P2RX3: variants seen among roughly 807,000 people sequenced by gnomAD.
The protein encoded by P2RX3 is purinergic receptor P2X 3.
A neutral mutation model predicts 51.5 loss-of-function variants in P2RX3; 41 were observed. The observed-to-expected ratio is 0.80, with a 90% CI of 0.62 to 1.03. P2RX3 has a LOEUF of 1.03. Among genes scored for constraint, P2RX3 ranks in the 50% least tolerant of loss-of-function variants. P2RX3 has a pLI of 0.00. For missense variants in P2RX3, 459 were observed against 522.1 expected, an observed-to-expected ratio of 0.88 and a Z score of 1.18; for synonymous variants, 185 against 191.6, an observed-to-expected ratio of 0.97 and a Z score of 0.29.
At chr11:57,367,931 G>A in intron 8 of P2RX3, 78 bp from the exon 9 acceptor site, 1 of 1,138,254 alleles carries the variant, frequency 8.8e-7, no homozygotes, top group South Asian at 1.3e-5. Flanking sequence ...CAAGACACAG[G>A]GCTCTGGAGG....
chr11:57,368,290 C>A, intron 9 of P2RX3, 82 bp from the exon 10 acceptor site: 1 of 1,497,360 alleles, frequency 6.7e-7, no homozygotes, highest in Non-Finnish European at 9.3e-7. Context: ...ACCAAGAACC[C>A]TTCTGGCGCC....
At chr11:57,348,058 C>T (rs1318273548) in intron 4 of P2RX3, 112 bp from the exon 5 acceptor site, 1 of 961,428 alleles carries the variant, frequency 1.0e-6, no homozygotes, top group East Asian at 2.8e-5. Flanking sequence ...TCCCTGCCTG[C>T]TCTTTTCCCC....
intron 8 of P2RX3, among the ~76,000 whole-genome samples, chr11:57,360,550 T>A (rs958350879): frequency 6.6e-6 from 1 of 151,794 alleles, no homozygotes; most frequent in Non-Finnish European, 1.5e-5. Flanking sequence ...ATTCCAGCAC[T>A]TTGGGAGGTC....
chr11:57,351,968 G>A (rs562015124), intron 8 of P2RX3, among the ~76,000 whole-genome samples: 3 of 152,272 alleles, frequency 2.0e-5, no homozygotes, highest in Admixed American at 6.5e-5. Flanking sequence ...GCAGGGCCCT[G>A]TTTAAGTACA....
intron 1 of P2RX3, 100 bp downstream of exon 1, chr11:57,338,769 C>G: frequency 1.3e-6 from 1 of 776,988 alleles, no homozygotes; most frequent in African/African-American, 1.7e-5. Flanking sequence ...CTGAGCTCCT[C>G]TGCTCCTGGG....
At chr11:57,359,010 C>T (rs979026685) in intron 8 of P2RX3, among the ~76,000 whole-genome samples, 9 of 152,056 alleles carry the variant, frequency 5.9e-5, no homozygotes, top group African/African-American at 1.9e-4. Context: ...GTGAAGGCCC[C>T]GGAGGCAAAG....
At chr11:57,366,018 TGA>T (rs1371511286) in intron 8 of P2RX3, among the ~76,000 whole-genome samples, 1 of 152,168 alleles carries the variant, frequency 6.6e-6, no homozygotes, top group African/African-American at 2.4e-5. Context: ...CTGGAGACAC[TGA>T]GAGGGAACAA....
intron 8 of P2RX3, among the ~76,000 whole-genome samples, chr11:57,367,447 G>A (rs766749605): frequency 7.9e-5 from 12 of 152,156 alleles, no homozygotes; most frequent in Admixed American, 1.3e-4. Context: ...CTGGCCGGAC[G>A]CGGTGGCTCA....
chr11:57,346,789 T>C (rs1306967768), intron 2 of P2RX3, 110 bp downstream of exon 2: 2 of 1,437,472 alleles, frequency 1.4e-6, no homozygotes, highest in Admixed American at 2.1e-5. Flanking sequence ...GAATCCATGA[T>C]GTCACTGATC....
intron 8 of P2RX3, among the ~76,000 whole-genome samples, chr11:57,362,894 C>G (rs1367113064): frequency 6.6e-6 from 1 of 152,098 alleles, no homozygotes; most frequent in African/African-American, 2.4e-5. Context: ...GTTATTATTA[C>G]TAATATCATT....
chr11:57,367,960 G>A (rs1856820841), intron 8 of P2RX3, 49 bp from the exon 9 acceptor site: 1 of 1,467,486 alleles, frequency 6.8e-7, no homozygotes, highest in East Asian at 2.3e-5. Flanking sequence ...GGTTCAGGCA[G>A]GAGAGACAGG....
At chr11:57,345,158 T>C (rs1856409299) in intron 1 of P2RX3, among the ~76,000 whole-genome samples, 1 of 152,226 alleles carries the variant, frequency 6.6e-6, no homozygotes, top group East Asian at 1.9e-4. Context: ...GCTCTGCAGC[T>C]TCCCAGCCTC....
upstream of P2RX3, among the ~76,000 whole-genome samples, chr11:57,336,492 C>G (rs1856224613): frequency 6.6e-6 from 1 of 152,130 alleles, no homozygotes; most frequent in African/African-American, 2.4e-5. Flanking sequence ...GCCAGGTCTC[C>G]CCCGTATAAT....
intron 8 of P2RX3, among the ~76,000 whole-genome samples, chr11:57,363,761 T>C (rs1314670012): frequency 6.6e-6 from 1 of 151,914 alleles, no homozygotes; most frequent in Non-Finnish European, 1.5e-5. Context: ...CACAGGAGAG[T>C]GCAGAAGCTG....
rs754862861 is a variant in P2RX3, at chr11:57,369,458, C to A, written c.1080+20C>A. The A allele has an allele frequency of 4.4e-6, 7 of 1,597,656 alleles. No individual in the cohort carries two copies. Among genetic ancestry groups the A allele is most frequent in the African/African-American group, 1.3e-5 (1 of 74,202 alleles). ...GAGGAGGTGAGTTGGGGAAGGGGCA[C>A]CCTTGGATAAAAGGGAGAGGGGGCA... is the stretch of plus-strand genomic sequence containing the variant. On this transcript the variant is annotated intron_variant, in intron 11 of 11. Transcript: ENST00000263314.
intron 8 of P2RX3, among the ~76,000 whole-genome samples, chr11:57,357,343 C>A (rs1429896149): frequency 6.6e-6 from 1 of 152,126 alleles, no homozygotes; most frequent in Non-Finnish European, 1.5e-5. Flanking sequence ...TATAACAACT[C>A]AAGAGAACAT....
At chr11:57,341,689 C>T (rs77398814) in intron 1 of P2RX3, among the ~76,000 whole-genome samples, 1 of 152,254 alleles carries the variant, frequency 6.6e-6, no homozygotes, top group Non-Finnish European at 1.5e-5. Flanking sequence ...AAGCAATAGC[C>T]TGTGCTTGGC....
intron 1 of P2RX3, among the ~76,000 whole-genome samples, chr11:57,346,085 C>T (rs1421069005): frequency 6.6e-6 from 1 of 152,200 alleles, no homozygotes; most frequent in Non-Finnish European, 1.5e-5. Flanking sequence ...TGCATGGGAG[C>T]AGAGGCCTGG....
chr11:57,359,571 C>T lies in P2RX3; in HGVS notation c.843-8438C>T, dbSNP rs574140340. On this transcript the variant is annotated intron_variant, in intron 8 of 11. Transcript: ENST00000263314. ...TTCCAGCTCAGCGCTGGCAGCTGTT[C>T]GGGCTCTGTTCTTTCCTCTGATGCC... 1.7e-4 allele frequency among the ~76,000 whole-genome samples: 26 copies of T among 152,352 alleles called. No individual in the cohort carries two copies. The South Asian group carries it at 4.6e-3, about 27-fold the overall frequency.
Sources: gnomAD v4.1 joint callset for allele counts (sites outside exome capture counted in the v4.1 genomes callset) on GRCh38, gnomAD v4.1.1 for gene constraint, MANE v1.5 for transcripts, NCBI Gene and HGNC (gene_info 2026-07-23, HGNC 2026-07-21) for gene names.